The following PNMA8A variants were observed in gnomAD, a reference collection of about 807,000 sequenced individuals.
The protein encoded by PNMA8A is PNMA family member 8A.
Under a neutral mutation model 26.6 loss-of-function variants are expected in PNMA8A, and 17 were observed. That is an observed-to-expected ratio of 0.64 (90% confidence interval 0.44 to 0.96). PNMA8A has a LOEUF of 0.96. PNMA8A is among the 40% of genes least tolerant of loss of function. The pLI is 0.00. For synonymous variants in PNMA8A, 224 were observed against 182.0 expected (o/e 1.23, Z -1.86); for missense variants, 532 against 488.4 (o/e 1.09, Z -0.84).
At chr19:46,469,100 CATTAA>C (rs571628515) in intron 2 of PNMA8A, among the ~76,000 whole-genome samples, 144 of 105,720 alleles carry the variant, frequency 1.4e-3, no homozygotes, top group African/African-American at 5.4e-3. Flanking sequence ...CCTCCCAAAT[CATTAA>C]ATTCTTTTTT....
chr19:46,469,912 A>C lies in PNMA8A; in HGVS notation c.1124T>G (p.Val375Gly), dbSNP rs1969759805. Residue 375 changes from valine (V) to glycine (G), a missense_variant, in exon 2 of 3, where the codon GTC (valine) becomes GGC (glycine). Physicochemically the swap from Val to Gly is moderately radical, Grantham distance 109. Coordinates refer to ENST00000313683, the MANE Select transcript of PNMA8A (RefSeq NM_018215.4). The part of the protein sequence containing the change: ...KKVSLGPVSY[V>G]LVDSEDGRKK... ...CCTGCCATCTTCTGAGTCAACCAAGACGTAGGAGACAGGGCCCAAGCTCAC... is the reference window on the plus strand; with the variant it reads ...CCTGCCATCTTCTGAGTCAACCAAGCCGTAGGAGACAGGGCCCAAGCTCAC... 1 of 1,614,102 alleles carries C rather than the reference A, an allele frequency of 6.2e-7. No individual in the cohort carries two copies. Among genetic ancestry groups the C allele is most frequent in the Non-Finnish European group, 8.5e-7 (1 of 1,180,012 alleles).
Position 46,468,141 on chromosome 19 carries a change from C to T in PNMA8A, c.*420G>A, listed in dbSNP as rs1013605353. Reference sequence around the variant, plus strand: ...CGGGAGGAAGAATATGGCAGGGCCACCCAGCTCTTCCAAATGCCAGGGCCT... The same window carrying T: ...CGGGAGGAAGAATATGGCAGGGCCATCCAGCTCTTCCAAATGCCAGGGCCT... On this transcript the variant is annotated 3_prime_UTR_variant, in exon 3 of 3. Coordinates refer to ENST00000313683, the MANE Select transcript of PNMA8A (RefSeq NM_018215.4). 1 of 175,306 alleles carries T rather than the reference C, an allele frequency of 5.7e-6. No homozygotes were observed. The highest frequency in any genetic ancestry group is 1.2e-5 in the Non-Finnish European group (1 of 83,582). The allele number at this position is 175,306 out of a possible 1,614,324, so 10.9% of individuals were successfully genotyped here.
rs1356422117 is a variant in PNMA8A at position 46,468,266 on chromosome 19, A to G, written c.*295T>C. The G allele has an allele frequency of 2.3e-6, 1 of 433,062 alleles. No homozygotes were observed. Among genetic ancestry groups the G allele is most frequent in the Non-Finnish European group, 4.1e-6 (1 of 241,196 alleles). The allele number at this position is 433,062 out of a possible 1,614,324, so 26.8% of individuals were successfully genotyped here. A position where few individuals can be genotyped will look rare whatever the true frequency, so the allele number is the denominator to read the frequency against. ...TGACCCTGCTCATGCATAAAGGGGA[A>G]TGAATGTTCTAGAATTTTCCCAATC... On this transcript the variant is annotated 3_prime_UTR_variant, in exon 3 of 3. Coordinates refer to ENST00000313683, the MANE Select transcript of PNMA8A (RefSeq NM_018215.4).
rs1340772874 is a variant in PNMA8A, at chr19:46,468,413, C to G, written c.*148G>C. The stretch of plus-strand genomic sequence containing the variant: ...TTCCCCAACTCCCTCCCACCCAAGA[C>G]CTCACCTATCGTTTACCTCAGGGCC... On this transcript the variant is annotated 3_prime_UTR_variant, in exon 3 of 3. Coordinates refer to ENST00000313683, the MANE Select transcript of PNMA8A (RefSeq NM_018215.4). The G allele has an allele frequency of 1.5e-5, 9 of 619,060 alleles. No individual in the cohort carries two copies. Among genetic ancestry groups the G allele is most frequent in the Non-Finnish European group, 2.3e-5 (8 of 341,348 alleles). The allele number at this position is 619,060 out of a possible 1,614,324, so 38.3% of individuals were successfully genotyped here. A position where few individuals can be genotyped will look rare whatever the true frequency, so the allele number is the denominator to read the frequency against.
chr19:46,466,904 T>A lies in PNMA8A; in HGVS notation c.*1657A>T, dbSNP rs1299346413. ...ACTTGCAAGGGCTAATACTCTATGATAGAATATTACTACTGTTCACCATGT... is the reference window on the plus strand; with the variant it reads ...ACTTGCAAGGGCTAATACTCTATGAAAGAATATTACTACTGTTCACCATGT... On this transcript the variant is annotated 3_prime_UTR_variant, in exon 3 of 3. Transcript: ENST00000313683. 3 of 152,212 alleles carry A rather than the reference T, an allele frequency of 2.0e-5. No individual in the cohort carries two copies. Among genetic ancestry groups the A allele is most frequent in the Non-Finnish European group, 2.9e-5 (2 of 68,042 alleles). 9.4% of individuals were successfully genotyped at this position (152,212 alleles called of 1,614,324 possible).
At position 46,467,099 on chromosome 19, in the gene PNMA8A, CAA is replaced by C. The variant is rs1296848325; in HGVS notation, c.*1460_*1461del. ...CATTTACAAGAAACTCAATTTTAAG[CAA>C]AGAGATGCCTGAAATAACTAAGACG... is the stretch of plus-strand genomic sequence containing the variant. On this transcript the variant is annotated 3_prime_UTR_variant, in exon 3 of 3. Coordinates refer to ENST00000313683, the MANE Select transcript of PNMA8A (RefSeq NM_018215.4). The C allele has an allele frequency of 1.3e-5, 2 of 152,158 alleles. No individual in the cohort carries two copies. The highest frequency in any genetic ancestry group is 2.9e-5 in the Non-Finnish European group (2 of 68,028). The allele number at this position is 152,158 out of a possible 1,614,324, so 9.4% of individuals were successfully genotyped here. A position where few individuals can be genotyped will look rare whatever the true frequency, so the allele number is the denominator to read the frequency against.
intron 2 of PNMA8A, 111 bp from the exon 3 acceptor site, chr19:46,468,688 G>C (rs745993615): frequency 7.0e-6 from 6 of 853,356 alleles, no homozygotes; most frequent in Non-Finnish European, 9.8e-6. Context: ...TCCCCAGCCA[G>C]GTCTCTAGAA....
Position 46,468,507 on chromosome 19 carries a change from A to AC in PNMA8A, c.*53dup. Reference sequence around the variant, plus strand: ...TCAGTGACAAGAGAGAACTTGGTTGACTTGGTACTTCTTCCTTGTTCTTTC... The same window carrying AC: ...TCAGTGACAAGAGAGAACTTGGTTGACCTTGGTACTTCTTCCTTGTTCTTTC... On this transcript the variant is annotated 3_prime_UTR_variant, in exon 3 of 3. Transcript: ENST00000313683. 3 of 1,573,732 alleles carry AC rather than the reference A, an allele frequency of 1.9e-6. No individual in the cohort carries two copies. Among genetic ancestry groups the AC allele is most frequent in the Non-Finnish European group, 2.6e-6 (3 of 1,143,482 alleles).
rs1037146151 is a variant in PNMA8A, at chr19:46,470,988, T to C, written c.48A>G (p.Gly16=). Reference sequence around the variant, plus strand: ...AGGACCTGTGGATGTCCACTTCCATTCCCCTGCACCAATCCTCCAGAAGGT... The same window carrying C: ...AGGACCTGTGGATGTCCACTTCCATCCCCCTGCACCAATCCTCCAGAAGGT... ...AMNLLEDWCR[G]MEVDIHRSLL... is the part of the protein sequence containing the mutation. Residue 16 remains glycine, a synonymous_variant, in exon 2 of 3, where the codon GGA becomes GGG. Transcript: ENST00000313683. 5.1e-6 allele frequency: 4 copies of C among 779,472 alleles called. No individual in the cohort carries two copies. The highest frequency in any genetic ancestry group is 1.7e-5 in the African/African-American group (1 of 59,086). 48.3% of individuals were successfully genotyped at this position (779,472 alleles called of 1,614,324 possible). A position where few individuals can be genotyped will look rare whatever the true frequency, so the allele number is the denominator to read the frequency against.
chr19:46,470,604 C>T lies in PNMA8A; in HGVS notation c.432G>A (p.Glu144=). 1 of 1,613,322 alleles carries T rather than the reference C, an allele frequency of 6.2e-7. No homozygotes were observed. Among genetic ancestry groups the T allele is most frequent in the African/African-American group, 1.3e-5 (1 of 75,060 alleles). The change falls in exon 2 of 3, where the codon GAG becomes GAA. Residue 144 remains glutamate (E), a synonymous_variant. Transcript: ENST00000313683. ...TLSQNQHQPP[E]NWAEALGVLL... is the part of the protein sequence containing the mutation. ...GCACCCCCAGAGCTTCTGCCCAGTT[C>T]TCTGGGGGCTGATGCTGGTTCTGGG...
chr19:46,468,257 T>G lies in PNMA8A; in HGVS notation c.*304A>C. ...GTGTAACAGTGACCCTGCTCATGCA[T>G]AAAGGGGAATGAATGTTCTAGAATT... On this transcript the variant is annotated 3_prime_UTR_variant, in exon 3 of 3. Coordinates refer to ENST00000313683, the MANE Select transcript of PNMA8A (RefSeq NM_018215.4). The G allele has an allele frequency of 2.4e-6, 1 of 414,634 alleles. No individual in the cohort carries two copies. The highest frequency in any genetic ancestry group is 4.3e-6 in the Non-Finnish European group (1 of 230,164). 25.7% of individuals were successfully genotyped at this position (414,634 alleles called of 1,614,324 possible).
chr19:46,471,028 T>C lies in PNMA8A; in HGVS notation c.8A>G (p.Lys3Arg), dbSNP rs1187246977. MS[K>R]TMAMNLLEDW... ...CTCCAGAAGGTTCATCGCCATGGTC[T>C]TGGACATTTAGCGGCTCTGAACCTA... Residue 3 changes from lysine to arginine, a missense_variant, in exon 2 of 3, where the codon AAG (lysine) becomes AGG (arginine). By Grantham distance (26) the Lys-to-Arg change is conservative. Coordinates refer to ENST00000313683, the MANE Select transcript of PNMA8A (RefSeq NM_018215.4). 1.3e-6 allele frequency: 1 copy of C among 766,770 alleles called. No individual in the cohort carries two copies. The highest frequency in any genetic ancestry group is 1.7e-5 in the African/African-American group (1 of 58,764). The allele number at this position is 766,770 out of a possible 1,614,324, so 47.5% of individuals were successfully genotyped here.
chr19:46,470,448 C>T lies in PNMA8A; in HGVS notation c.588G>A (p.Val196=). 1 of 1,614,126 alleles carries T rather than the reference C, an allele frequency of 6.2e-7. No individual in the cohort carries two copies. The highest frequency in any genetic ancestry group is 1.3e-5 in the African/African-American group (1 of 75,066). The change falls in exon 2 of 3, where the codon GTG becomes GTA. Residue 196 remains valine, a synonymous_variant. Transcript: ENST00000313683. ...CTGCTGCAAGCCCCGGTTCTTTCTT[C>T]ACCTTCCTCCCTGCTGCTAAAGCCC... ...AAWALAAGRK[V]KKEPGLAAEV...
chr19:46,470,790 G>T lies in PNMA8A; in HGVS notation c.246C>A (p.Ile82=), dbSNP rs772938996. ...CACCCCTTCCTGGGAATTCACGGGG[G>T]ATGGTGCTCAGATTCACACCTTCAC... ...EVGEGVNLST[I]PREFPGRGGV... is the part of the protein sequence containing the mutation. Residue 82 remains isoleucine (I), a synonymous_variant, in exon 2 of 3, where the codon ATC becomes ATA. Coordinates refer to ENST00000313683, the MANE Select transcript of PNMA8A (RefSeq NM_018215.4). 10 of 783,684 alleles carry T rather than the reference G, an allele frequency of 1.3e-5. No individual in the cohort carries two copies. The highest frequency in any genetic ancestry group is 2.4e-5 in the Non-Finnish European group (10 of 420,622). The allele number at this position is 783,684 out of a possible 1,614,324, so 48.5% of individuals were successfully genotyped here.
chr19:46,471,290 G>C (rs982211096), intron 1 of PNMA8A, 47 bp downstream of exon 1: 2 of 336,564 alleles, frequency 5.9e-6, no homozygotes, highest in Non-Finnish European at 1.1e-5. Flanking sequence ...AAAGGCCCTA[G>C]GACCCTCCCC....
At chr19:46,469,470 G>T (rs751130720) in intron 2 of PNMA8A, among the ~76,000 whole-genome samples, 1 of 152,102 alleles carries the variant, frequency 6.6e-6, no homozygotes, top group Non-Finnish European at 1.5e-5. Flanking sequence ...TGACCACAGT[G>T]ACACTCATTG....
chr19:46,470,258 G>T lies in PNMA8A; in HGVS notation c.778C>A (p.Pro260Thr), dbSNP rs776408809. Residue 260 changes from proline to threonine, a missense_variant, in exon 2 of 3, where the codon CCC becomes ACC. By Grantham distance (38) the Pro-to-Thr change is conservative. Coordinates refer to ENST00000313683, the MANE Select transcript of PNMA8A (RefSeq NM_018215.4). ...SRQEAVPWKK[P>T]KGINSNSTAN... ...GTGCTGTTGGAATTGATGCCTTTGG[G>T]TTTTTTCCAGGGCACTGCTTCCTGC... 3 of 1,613,964 alleles carry T rather than the reference G, an allele frequency of 1.9e-6. No individual in the cohort carries two copies. The South Asian group carries it at 3.3e-5, about 18-fold the overall frequency.
intron 2 of PNMA8A, 22 bp from the exon 3 acceptor site, chr19:46,468,599 G>T: frequency 6.2e-7 from 1 of 1,604,716 alleles, no homozygotes; most frequent in African/African-American, 1.3e-5. Flanking sequence ...TGAGAGAACA[G>T]ATCAAGAAGG....
chr19:46,468,402 C>A lies in PNMA8A; in HGVS notation c.*159G>T. 4 of 578,348 alleles carry A rather than the reference C, an allele frequency of 6.9e-6. No homozygotes were observed. Among genetic ancestry groups the A allele is most frequent in the Non-Finnish European group, 9.4e-6 (3 of 318,072 alleles). The allele number at this position is 578,348 out of a possible 1,614,324, so 35.8% of individuals were successfully genotyped here. On this transcript the variant is annotated 3_prime_UTR_variant, in exon 3 of 3. Transcript: ENST00000313683. The stretch of plus-strand genomic sequence containing the variant: ...ATCCACCTCCCTTCCCCAACTCCCT[C>A]CCACCCAAGACCTCACCTATCGTTT...
Sources: allele counts gnomAD v4.1 joint callset (sites outside exome capture counted in the v4.1 genomes callset), GRCh38; gene constraint gnomAD v4.1.1; transcripts MANE v1.5; gene names NCBI Gene and HGNC (gene_info 2026-07-23, HGNC 2026-07-21).